Variants in SYT2 observed in about 807,000 individuals in gnomAD.
The protein encoded by SYT2 is synaptotagmin-2.
SYT2 carries 15 observed loss-of-function variants against 39.9 expected under a neutral mutation model. That is an observed-to-expected ratio of 0.38 (90% CI 0.25 to 0.58). SYT2 has a LOEUF of 0.58. Among genes scored for constraint, SYT2 ranks in the 20% least tolerant of loss-of-function variants. SYT2 has a pLI of 0.70. For missense variants in SYT2, 389 were observed against 530.3 expected (o/e 0.73, Z 2.62); for synonymous variants, 181 against 204.5 (o/e 0.89, Z 0.98).
At chr1:202,603,447 G>A (rs1293173096) in intron 3 of SYT2, among the ~76,000 whole-genome samples, 2 of 152,084 alleles carry the variant, frequency 1.3e-5, no homozygotes, top group African/African-American at 2.4e-5. Flanking sequence ...GTGGGGGTAG[G>A]ATTTACTTCC....
intron 1 of SYT2, among the ~76,000 whole-genome samples, chr1:202,626,149 A>G (rs1354848309): frequency 6.6e-6 from 1 of 152,088 alleles, no homozygotes; most frequent in African/African-American, 2.4e-5. Flanking sequence ...TGATAGCTAC[A>G]GGCCCTGTAC....
chr1:202,661,547 T>G (rs1692380124), intron 1 of SYT2, among the ~76,000 whole-genome samples: 1 of 152,164 alleles, frequency 6.6e-6, no homozygotes, highest in African/African-American at 2.4e-5. Flanking sequence ...CATTCCCTCG[T>G]GGTTGCCCTA....
intron 1 of SYT2, among the ~76,000 whole-genome samples, chr1:202,618,322 T>C (rs1209508917): frequency 6.6e-6 from 1 of 151,998 alleles, no homozygotes; most frequent in African/African-American, 2.4e-5. Context: ...CAAACCATGT[T>C]AAGACTCAGT....
At chr1:202,704,586 G>A (rs1468156229) in intron 1 of SYT2, among the ~76,000 whole-genome samples, 1 of 151,892 alleles carries the variant, frequency 6.6e-6, no homozygotes, top group Non-Finnish European at 1.5e-5. Context: ...GAGAGAAGCA[G>A]TCACACACCC....
At chr1:202,625,371 G>C (rs566909023) in intron 1 of SYT2, among the ~76,000 whole-genome samples, 27 of 145,584 alleles carry the variant, frequency 1.9e-4, no homozygotes, top group Admixed American at 3.5e-4. Context: ...GTGGTGTGTG[G>C]TGTGTGTGTG....
chr1:202,655,239 AG>A (rs1692259284), intron 1 of SYT2, among the ~76,000 whole-genome samples: 1 of 152,116 alleles, frequency 6.6e-6, no homozygotes, highest in African/African-American at 2.4e-5. Flanking sequence ...TTGAAGCTGA[AG>A]GGTATGGCCA....
intron 1 of SYT2, among the ~76,000 whole-genome samples, chr1:202,678,839 C>T (rs529440382): frequency 3.1e-4 from 47 of 152,294 alleles, no homozygotes; most frequent in African/African-American, 9.4e-4. Context: ...CCAATACAGA[C>T]GTGTGGCTGT....
intron 1 of SYT2, among the ~76,000 whole-genome samples, chr1:202,691,779 G>T (rs1653841737): frequency 7.0e-6 from 1 of 141,892 alleles, no homozygotes; most frequent in Admixed American, 7.0e-5. Context: ...GAGAGAGAGA[G>T]AGAGATGGGA....
intron 1 of SYT2, among the ~76,000 whole-genome samples, chr1:202,638,253 C>G (rs911343642): frequency 6.6e-6 from 1 of 152,220 alleles, no homozygotes; most frequent in South Asian, 2.1e-4. Flanking sequence ...CTCCTCCCCC[C>G]CAGCCCCTCC....
intron 1 of SYT2, among the ~76,000 whole-genome samples, chr1:202,674,737 T>C (rs888426542): frequency 1.3e-5 from 2 of 152,106 alleles, no homozygotes; most frequent in African/African-American, 4.8e-5. Context: ...TAATCTGACC[T>C]CAGCAGTCCA....
chr1:202,625,713 C>T (rs1691384930), intron 1 of SYT2, among the ~76,000 whole-genome samples: 1 of 152,126 alleles, frequency 6.6e-6, no homozygotes, highest in African/African-American at 2.4e-5. Context: ...CCTCCCAGGC[C>T]CCCAGTCAAC....
At chr1:202,685,477 A>C (rs569064734) in intron 1 of SYT2, among the ~76,000 whole-genome samples, 147 of 152,294 alleles carry the variant, frequency 9.7e-4, no homozygotes, top group Middle Eastern at 3.4e-3. Flanking sequence ...CAATATTTTA[A>C]AAATAAAAGG....
At chr1:202,680,115 A>G (rs961768043) in intron 1 of SYT2, among the ~76,000 whole-genome samples, 1 of 152,196 alleles carries the variant, frequency 6.6e-6, no homozygotes, top group Non-Finnish European at 1.5e-5. Flanking sequence ...AGGAGGGGCC[A>G]TGGCTATTTG....
intron 1 of SYT2, among the ~76,000 whole-genome samples, chr1:202,624,346 CAG>C (rs201838690): frequency 0.11 from 15,231 of 140,368 alleles, 1,343 homozygotes; most frequent in African/African-American, 0.25. Context: ...AGTGGGGTGT[CAG>C]GGGGTATGTG....
intron 1 of SYT2, among the ~76,000 whole-genome samples, chr1:202,634,349 C>T (rs530040708): frequency 7.4e-4 from 113 of 152,292 alleles, no homozygotes; most frequent in African/African-American, 2.5e-3. Context: ...GAAACCCCAT[C>T]TGTACTAAAA....
At chr1:202,688,028 A>G (rs1360742625) in intron 1 of SYT2, among the ~76,000 whole-genome samples, 1 of 152,214 alleles carries the variant, frequency 6.6e-6, no homozygotes, top group Non-Finnish European at 1.5e-5. Flanking sequence ...GCTGCAGCCC[A>G]TCTGGTCAGC....
chr1:202,673,081 G>A (rs542254731), intron 1 of SYT2, among the ~76,000 whole-genome samples: 27 of 152,168 alleles, frequency 1.8e-4, no homozygotes, highest in African/African-American at 5.3e-4. Flanking sequence ...TTCATTTCTT[G>A]CCCAGAAATC....
At chr1:202,673,709 T>G (rs1653235894) in intron 1 of SYT2, among the ~76,000 whole-genome samples, 1 of 152,232 alleles carries the variant, frequency 6.6e-6, no homozygotes. Context: ...GCACACCCCT[T>G]GCAGATTTAC....
rs1240551174 is a variant in SYT2 at position 202,591,313 on chromosome 1, TCA to T, written c.*5442_*5443del. 2 of 152,832 alleles carry T rather than the reference TCA, an allele frequency of 1.3e-5. No homozygotes were observed. Among genetic ancestry groups the T allele is most frequent in the Non-Finnish European group, 2.9e-5 (2 of 68,516 alleles). The allele number at this position is 152,832 out of a possible 1,614,324, so 9.5% of individuals were successfully genotyped here. A position where few individuals can be genotyped will look rare whatever the true frequency, so the allele number is the denominator to read the frequency against. Reference sequence around the variant, plus strand: ...CGTTCTCTCTCCTTCCTCATACTTGTCACAGTTGCCAGGCCTGAGGCATCCTG... The same window carrying T: ...CGTTCTCTCTCCTTCCTCATACTTGTCAGTTGCCAGGCCTGAGGCATCCTG... On this transcript the variant is annotated 3_prime_UTR_variant, in exon 9 of 9. Transcript: ENST00000367268.
Sources: gnomAD v4.1 joint callset for allele counts (sites outside exome capture counted in the v4.1 genomes callset) on GRCh38, gnomAD v4.1.1 for gene constraint, MANE v1.5 for transcripts, NCBI Gene and HGNC (gene_info 2026-07-23, HGNC 2026-07-21) for gene names.